ATF6B: variants seen among roughly 807,000 people sequenced by gnomAD.
ATF6B encodes cyclic AMP-dependent transcription factor ATF-6 beta.
Under a neutral mutation model 83.5 loss-of-function variants are expected in ATF6B, and 50 were observed. The ratio of observed to expected loss-of-function variants is 0.60; its 90% confidence interval spans 0.48 to 0.76. The LOEUF (loss-of-function observed/expected upper bound fraction) is 0.76. ATF6B is among the 30% of genes least tolerant of loss of function. ATF6B has a pLI of 0.00. For synonymous variants in ATF6B, 344 were observed against 362.8 expected (o/e 0.95, Z 0.59); for missense variants, 790 against 893.8 (o/e 0.88, Z 1.48).
rs1419633746 is a variant in ATF6B, at chr6:32,125,337, C to T, written c.478+780G>A. 6.6e-6 allele frequency among the ~76,000 whole-genome samples: 1 copy of T among 152,140 alleles called. No individual in the cohort carries two copies. The highest frequency in any genetic ancestry group is 2.4e-5 in the African/African-American group (1 of 41,420). On this transcript the variant is annotated intron_variant, in intron 5 of 17. Transcript: ENST00000375203. This position sits in a 1 kb window ranked among gnomAD's most constrained non-coding sequence, Gnocchi z 4.1. ...ATAATTATTATACCTCAGATATGAT[C>T]ACATCAATAAACATTTACTAAATAC...
At chr6:32,121,733 A>G (rs1241389202) in intron 5 of ATF6B, among the ~76,000 whole-genome samples, 1 of 152,106 alleles carries the variant, frequency 6.6e-6, no homozygotes, top group Admixed American at 6.6e-5. Context: ...AAGATGGGGA[A>G]ATGGGTCCTT....
Position 32,120,980 on chromosome 6 carries a change from C to T in ATF6B, c.700+9G>A, listed in dbSNP as rs774616396. On this transcript the variant is annotated intron_variant, in intron 7 of 17. Coordinates refer to ENST00000375203, the MANE Select transcript of ATF6B (RefSeq NM_004381.5). ...ACTAGGGATTCCAAGTGTCAGGAGA[C>T]TCCATTACCTGAGGAGCCATCAAGG... The T allele has an allele frequency of 6.6e-7, 1 of 1,519,980 alleles. No homozygotes were observed. Among genetic ancestry groups the T allele is most frequent in the Admixed American group, 2.2e-5 (1 of 44,692 alleles). The allele number at this position is 1,519,980 out of a possible 1,614,324, so 94.2% of individuals were successfully genotyped here.
chr6:32,127,037 C>T, intron 4 of ATF6B, 66 bp downstream of exon 4: 1 of 1,345,010 alleles, frequency 7.4e-7, no homozygotes, highest in Non-Finnish European at 1.0e-6. Context: ...TTCTTTGTCA[C>T]CCACGGGTGA....
In ATF6B at chr6:32,122,631, G is replaced by A. The variant is rs373846651; in HGVS notation, c.479-1283C>T. ...TGGGAGGCCGAGGCAGGTGGATCAC[G>A]AGGTCAGGAGATCGAGACCATCCTG... On this transcript the variant is annotated intron_variant, in intron 5 of 17. Transcript: ENST00000375203. 7.3e-5 allele frequency among the ~76,000 whole-genome samples: 11 copies of A among 151,550 alleles called. No individual in the cohort carries two copies. The East Asian group carries it at 1.8e-3, about 24-fold the overall frequency.
At chr6:32,123,788 C>T (rs1200299189) in intron 5 of ATF6B, among the ~76,000 whole-genome samples, 1 of 152,126 alleles carries the variant, frequency 6.6e-6, no homozygotes, top group Non-Finnish European at 1.5e-5. Context: ...CTTTCCATCC[C>T]TCCCTGCTGT....
Position 32,127,748 on chromosome 6 carries a change from T to C in ATF6B, c.94A>G (p.Ser32Gly). The C allele has an allele frequency of 6.2e-7, 1 of 1,614,166 alleles. No individual in the cohort carries two copies. Among genetic ancestry groups the C allele is most frequent in the African/African-American group, 1.3e-5 (1 of 75,036 alleles). ...LSPEDWGLQN[S>G]TLYSGLDEVA... ...TCATCTAGGCCAGAATACAAGGTGC[T>C]GTCTGCAAGAAATGCTGAGCGTCGG... The change falls in exon 2 of 18, where the codon AGC (serine) becomes GGC (glycine). Residue 32 changes from serine (S) to glycine (G), a missense_variant and splice_region_variant. Around this residue, in one of 3 missense-constraint regions of ATF6B, gnomAD observed 253 missense variants for 243.1 expected, o/e 1.04. Coordinates refer to ENST00000375203, the MANE Select transcript of ATF6B (RefSeq NM_004381.5).
At position 32,117,082 on chromosome 6, in the gene ATF6B, G is replaced by A. The variant is rs1781559909; in HGVS notation, c.1640C>T (p.Pro547Leu). ...RQKSQPRKKS[P>L]PVKAVPIQPP... Reference sequence around the variant, plus strand: ...TTGGATGGGGACTGCCTTAACTGGAGGTGACTTCTTCCGTGGCTGAGACTT... The same window carrying A: ...TTGGATGGGGACTGCCTTAACTGGAAGTGACTTCTTCCGTGGCTGAGACTT... The change falls in exon 15 of 18, where the codon CCT becomes CTT. Residue 547 changes from proline (P) to leucine (L), a missense_variant. Pro to Leu is a moderately conservative substitution (Grantham distance 98). Transcript: ENST00000375203. The surrounding 1 kb of genome is among the most constrained non-coding windows in gnomAD (Gnocchi z 5.0). The A allele has an allele frequency of 6.2e-7, 1 of 1,614,076 alleles. No homozygotes were observed. The highest frequency in any genetic ancestry group is 8.5e-7 in the Non-Finnish European group (1 of 1,179,974).
rs745984667 is a variant in ATF6B at position 32,115,984 on chromosome 6, A to G, written c.1883-16T>C. 2.5e-6 allele frequency: 4 copies of G among 1,600,916 alleles called. No homozygotes were observed. Among genetic ancestry groups the G allele is most frequent in the Non-Finnish European group, 3.4e-6 (4 of 1,170,104 alleles). On this transcript the variant is annotated splice_polypyrimidine_tract_variant and intron_variant, in intron 17 of 17. Transcript: ENST00000375203. The stretch of plus-strand genomic sequence containing the variant: ...GACAGGGTCTCTGTGAGAAGGGGAG[A>G]GTTAAGGAAGAGGAGATGGGGAGGC...
chr6:32,126,235 C>T lies in ATF6B; in HGVS notation c.360G>A (p.Glu120=), dbSNP rs772894180. Residue 120 remains glutamate (E), a synonymous_variant, in exon 5 of 18, where the codon GAG becomes GAA. Coordinates refer to ENST00000375203, the MANE Select transcript of ATF6B (RefSeq NM_004381.5). The part of the protein sequence containing the change: ...EPSSEALGVG[E]VLHVKTESLA... ...AGGACTCTGTCTTCACATGGAGCAC[C>T]TCCCCTACCCCAAGAGCCTGGGTGA... 6.2e-6 allele frequency: 10 copies of T among 1,613,962 alleles called. No individual in the cohort carries two copies. The South Asian group carries it at 9.9e-5, about 16-fold the overall frequency.
Position 32,115,835 on chromosome 6 carries a change from T to G in ATF6B, c.2016A>C (p.Pro672=). The change falls in exon 18 of 18, where the codon CCA becomes CCC. Residue 672 remains proline (P), a synonymous_variant. Transcript: ENST00000375203. The part of the protein sequence containing the change: ...VPPSLRKQPS[P]TPGNATGGPL... ...GGCCACCTGTGGCATTGCCTGGGGT[T>G]GGGGATGGCTGTTTTCGGAGCGAGG... The G allele has an allele frequency of 6.2e-7, 1 of 1,614,066 alleles. No homozygotes were observed. The highest frequency in any genetic ancestry group is 8.5e-7 in the Non-Finnish European group (1 of 1,179,994).
chr6:32,117,220 G>A lies in ATF6B; in HGVS notation c.1614+103C>T, dbSNP rs1473485739. On this transcript the variant is annotated intron_variant, in intron 14 of 17. Transcript: ENST00000375203. The surrounding 1 kb of genome is among the most constrained non-coding windows in gnomAD (Gnocchi z 5.0). ...ACTCAACCCTCCACTTCCTTCAAAC[G>A]ATCCCTCAAACTTCCACAGCGAGAT... The A allele has an allele frequency of 2.0e-6, 3 of 1,533,452 alleles. No individual in the cohort carries two copies. Among genetic ancestry groups the A allele is most frequent in the Non-Finnish European group, 2.7e-6 (3 of 1,121,952 alleles). The allele number at this position is 1,533,452 out of a possible 1,614,324, so 95.0% of individuals were successfully genotyped here.
chr6:32,116,669 G>A lies in ATF6B; in HGVS notation c.1797+35C>T, dbSNP rs375944911. 1.2e-6 allele frequency: 2 copies of A among 1,609,242 alleles called. No homozygotes were observed. The highest frequency in any genetic ancestry group is 1.7e-6 in the Non-Finnish European group (2 of 1,175,748). On this transcript the variant is annotated intron_variant, in intron 16 of 17. Transcript: ENST00000375203. The surrounding 1 kb of genome is among the most constrained non-coding windows in gnomAD (Gnocchi z 5.1). Reference sequence around the variant, plus strand: ...ACTGAAGACAGACTGCTGGGAACCTGGGGTGACAGAGATGGAAGGGCAGGA... The same window carrying A: ...ACTGAAGACAGACTGCTGGGAACCTAGGGTGACAGAGATGGAAGGGCAGGA...
intron 6 of ATF6B, 48 bp downstream of exon 6, chr6:32,121,215 G>A: frequency 6.2e-7 from 1 of 1,610,830 alleles, no homozygotes; most frequent in South Asian, 1.1e-5. Flanking sequence ...TCTAGGTCAG[G>A]AGGAACTCAC....
In ATF6B at chr6:32,120,864, T is replaced by G. The variant is rs762196447; in HGVS notation, c.739A>C (p.Lys247Gln). ...GGGACAGTGGTTAGCACTACAGGTT[T>G]GGGCTGCAGTGGCGGCTTCCGGGTG... Reference protein sequence around the residue: ...LPTRKPPLQPKPVVLTTVPMP... With the variant: ...LPTRKPPLQPQPVVLTTVPMP... Residue 247 changes from lysine to glutamine, a missense_variant, in exon 8 of 18, where the codon AAA becomes CAA. Coordinates refer to ENST00000375203, the MANE Select transcript of ATF6B (RefSeq NM_004381.5). The G allele has an allele frequency of 1.3e-6, 2 of 1,558,642 alleles. No homozygotes were observed. The highest frequency in any genetic ancestry group is 2.4e-5 in the South Asian group (2 of 83,226).
At chr6:32,122,152 C>T (rs887982378) in intron 5 of ATF6B, among the ~76,000 whole-genome samples, 1 of 152,198 alleles carries the variant, frequency 6.6e-6, no homozygotes, top group Non-Finnish European at 1.5e-5. Flanking sequence ...TCCAAGCTGC[C>T]TGCTGGTCCC....
intron 5 of ATF6B, among the ~76,000 whole-genome samples, chr6:32,124,432 T>C (rs1020331728): frequency 1.3e-5 from 2 of 152,234 alleles, no homozygotes; most frequent in African/African-American, 2.4e-5. Flanking sequence ...CATCCGAATA[T>C]CTTACTTGAT....
Position 32,116,520 on chromosome 6 carries a change from C to T in ATF6B, c.1842G>A (p.Arg614=), listed in dbSNP as rs1388149227. Residue 614 remains arginine, a synonymous_variant, in exon 17 of 18, where the codon CGG becomes CGA. Coordinates refer to ENST00000375203, the MANE Select transcript of ATF6B (RefSeq NM_004381.5). This position sits in a 1 kb window ranked among gnomAD's most constrained non-coding sequence, Gnocchi z 5.1. Reference sequence around the variant, plus strand: ...CAGGCATCACCAGGGACATCTTGGGCCGGGAGGTCTTGTTGTGGCTGATGG... The same window carrying T: ...CAGGCATCACCAGGGACATCTTGGGTCGGGAGGTCTTGTTGTGGCTGATGG... ...LPAISHNKTS[R]PKMSLVMPAM... 2 of 1,605,202 alleles carry T rather than the reference C, an allele frequency of 1.2e-6. No individual in the cohort carries two copies. The highest frequency in any genetic ancestry group is 1.3e-5 in the African/African-American group (1 of 74,822).
chr6:32,123,457 C>T (rs759312911), intron 5 of ATF6B, among the ~76,000 whole-genome samples: 5 of 152,082 alleles, frequency 3.3e-5, no homozygotes, highest in Non-Finnish European at 5.9e-5. Flanking sequence ...TGGGCGATCT[C>T]GGCTCACTGC....
At position 32,116,250 on chromosome 6, in the gene ATF6B, C is replaced by G. The variant is rs957815769; in HGVS notation, c.1882+230G>C. 6.6e-6 allele frequency among the ~76,000 whole-genome samples: 1 copy of G among 152,138 alleles called. No homozygotes were observed. Among genetic ancestry groups the G allele is most frequent in the Non-Finnish European group, 1.5e-5 (1 of 68,018 alleles). Reference sequence around the variant, plus strand: ...AGAGTCTAGCAGGTTCCCGGCCCCCCGCCTCTGCCCAGTCATCTACCCAAG... The same window carrying G: ...AGAGTCTAGCAGGTTCCCGGCCCCCGGCCTCTGCCCAGTCATCTACCCAAG... On this transcript the variant is annotated intron_variant, in intron 17 of 17. Coordinates refer to ENST00000375203, the MANE Select transcript of ATF6B (RefSeq NM_004381.5). This position sits in a 1 kb window ranked among gnomAD's most constrained non-coding sequence, Gnocchi z 5.1.
Sources: allele counts gnomAD v4.1 joint callset (sites outside exome capture counted in the v4.1 genomes callset), GRCh38; gene constraint gnomAD v4.1.1; regional missense constraint gnomAD v4.1.1; non-coding constraint Gnocchi (gnomAD v3.1); transcripts MANE v1.5; gene names NCBI Gene and HGNC (gene_info 2026-07-23, HGNC 2026-07-21).